The following PCDHGA11 variants were observed in gnomAD, a reference collection of about 807,000 sequenced individuals.
PCDHGA11 encodes protocadherin gamma-A11.
In PCDHGA11, 39 loss-of-function variants were observed where a neutral mutation model predicts 60.4. The observed-to-expected ratio is 0.65, with a 90% CI of 0.50 to 0.84. The LOEUF (loss-of-function observed/expected upper bound fraction) is 0.84. PCDHGA11 is among the 40% of genes least tolerant of loss of function. The pLI is 0.00. For synonymous variants in PCDHGA11, 533 were observed against 510.3 expected, an observed-to-expected ratio of 1.04 and a Z score of -0.60; for missense variants, 1,165 against 1,197.7, an observed-to-expected ratio of 0.97 and a Z score of 0.40.
rs1236959966 is a variant in PCDHGA11, at chr5:141,511,984, G to C, written c.*811G>C. On this transcript the variant is annotated 3_prime_UTR_variant, in exon 4 of 4. Transcript: ENST00000398587. ...GGGAAGTGTGTGGATGTGGATGGTGGGGGCATGGACAAAGCTTGACACATC... is the reference window on the plus strand; with the variant it reads ...GGGAAGTGTGTGGATGTGGATGGTGCGGGCATGGACAAAGCTTGACACATC... 1 of 153,294 alleles carries C rather than the reference G, an allele frequency of 6.5e-6. No individual in the cohort carries two copies. Among genetic ancestry groups the C allele is most frequent in the African/African-American group, 2.4e-5 (1 of 41,452 alleles). 9.5% of individuals were successfully genotyped at this position (153,294 alleles called of 1,614,324 possible). A position where few individuals can be genotyped will look rare whatever the true frequency, so the allele number is the denominator to read the frequency against.
chr5:141,511,453 T>G lies in PCDHGA11; in HGVS notation c.*280T>G. 1.7e-6 allele frequency: 1 copy of G among 595,822 alleles called. No individual in the cohort carries two copies. Among genetic ancestry groups the G allele is most frequent in the Non-Finnish European group, 2.8e-6 (1 of 360,062 alleles). 36.9% of individuals were successfully genotyped at this position (595,822 alleles called of 1,614,324 possible). ...GGTTACTGTAGACACCAAGAACCATTTGCCACACCCCGTTTAGTTACAGCT... is the reference window on the plus strand; with the variant it reads ...GGTTACTGTAGACACCAAGAACCATGTGCCACACCCCGTTTAGTTACAGCT... On this transcript the variant is annotated 3_prime_UTR_variant, in exon 4 of 4. Transcript: ENST00000398587.
intron 1 of PCDHGA11, among the ~76,000 whole-genome samples, chr5:141,457,015 A>T (rs1216403373): frequency 6.6e-6 from 1 of 152,182 alleles, no homozygotes; most frequent in Admixed American, 6.5e-5. Context: ...AATCCAATAA[A>T]AAGTCCTAGT....
intron 1 of PCDHGA11, among the ~76,000 whole-genome samples, chr5:141,464,648 G>A (rs776411908): frequency 6.6e-6 from 1 of 152,020 alleles, no homozygotes; most frequent in African/African-American, 2.4e-5. Flanking sequence ...AACCTGATGG[G>A]TAAAAAGATA....
intron 2 of PCDHGA11, among the ~76,000 whole-genome samples, chr5:141,496,121 C>A (rs1391009290): frequency 6.6e-6 from 1 of 152,088 alleles, no homozygotes; most frequent in Non-Finnish European, 1.5e-5. Flanking sequence ...TCCTTCCCTG[C>A]CCCTCACACA....
rs767599830 is a variant in PCDHGA11, at chr5:141,421,774, C to G, written c.547C>G (p.Leu183Val). 1.7e-5 allele frequency: 27 copies of G among 1,613,772 alleles called. No individual in the cohort carries two copies. Among genetic ancestry groups the G allele is most frequent in the Middle Eastern group, 1.6e-4 (1 of 6,084 alleles). ...CCCTAATAATTACTTTTCCTTGCAA[C>G]TGCGGGGCAGAACGGATGGGGCCAA... ...LSPNNYFSLQ[L>V]RGRTDGAKNP... The change falls in exon 1 of 4, where the codon CTG becomes GTG. Residue 183 changes from leucine (L) to valine (V), a missense_variant. Transcript: ENST00000398587.
chr5:141,487,258 G>A lies in PCDHGA11; in HGVS notation c.2434-7549G>A, dbSNP rs368598017. The A allele has an allele frequency of 3.7e-6, 6 of 1,614,026 alleles. No homozygotes were observed. Among genetic ancestry groups the A allele is most frequent in the Non-Finnish European group, 4.2e-6 (5 of 1,180,030 alleles). On this transcript the variant is annotated intron_variant, in intron 1 of 3. Transcript: ENST00000398587. The surrounding 1 kb of genome is among the most constrained non-coding windows in gnomAD (Gnocchi z 5.0). ...CTCGTCTAACCCTCTACTTGGCTGT[G>A]TCCCTAGTGGCAATTTGCTTTGTCT...
In PCDHGA11 at chr5:141,432,330, A is replaced by G. The variant is rs760184218; in HGVS notation, c.2433+8670A>G. 82 of 1,614,134 alleles carry G rather than the reference A, an allele frequency of 5.1e-5. No individual in the cohort carries two copies. The highest frequency in any genetic ancestry group is 6.8e-5 in the Non-Finnish European group (80 of 1,180,048). Reference sequence around the variant, plus strand: ...GCGCTGAGCTCCTTCGACTACGAGCAGTTCCGAGACTTGCAAGTGAAAGTG... The same window carrying G: ...GCGCTGAGCTCCTTCGACTACGAGCGGTTCCGAGACTTGCAAGTGAAAGTG... On this transcript the variant is annotated intron_variant, in intron 1 of 3. Transcript: ENST00000398587. The surrounding 1 kb of genome is among the most constrained non-coding windows in gnomAD (Gnocchi z 6.0).
chr5:141,490,938 C>A lies in PCDHGA11; in HGVS notation c.2434-3869C>A. 1.2e-6 allele frequency: 2 copies of A among 1,613,672 alleles called. No individual in the cohort carries two copies. Among genetic ancestry groups the A allele is most frequent in the Non-Finnish European group, 1.7e-6 (2 of 1,179,760 alleles). On this transcript the variant is annotated intron_variant, in intron 1 of 3. Coordinates refer to ENST00000398587, the MANE Select transcript of PCDHGA11 (RefSeq NM_018914.3). The surrounding 1 kb of genome is among the most constrained non-coding windows in gnomAD (Gnocchi z 5.4). ...ATGATAATGCCCCAGCTGTGCTGCA[C>A]CCACGGCCAGACTGGGAACACTCAG... is the stretch of plus-strand genomic sequence containing the variant.
intron 1 of PCDHGA11, among the ~76,000 whole-genome samples, chr5:141,444,106 G>A (rs2098417269): frequency 7.6e-6 from 1 of 131,112 alleles, no homozygotes; most frequent in South Asian, 2.6e-4. Flanking sequence ...TGGAAACCAA[G>A]AAAAGTGAAG....
intron 3 of PCDHGA11, among the ~76,000 whole-genome samples, chr5:141,510,048 G>GTGAT (rs1392197406): frequency 1.3e-5 from 2 of 152,192 alleles, no homozygotes; most frequent in Non-Finnish European, 2.9e-5. Context: ...GAGGTTAAAA[G>GTGAT]TGATTGTGCA....
intron 2 of PCDHGA11, among the ~76,000 whole-genome samples, chr5:141,504,748 T>A (rs979724181): frequency 7.2e-5 from 11 of 151,880 alleles, no homozygotes; most frequent in Non-Finnish European, 1.3e-4. Context: ...CCATTGAATT[T>A]TAGAAATTTC....
intron 1 of PCDHGA11, among the ~76,000 whole-genome samples, chr5:141,454,491 C>T (rs956727548): frequency 6.6e-6 from 1 of 152,194 alleles, no homozygotes; most frequent in South Asian, 2.1e-4. Context: ...ACCGCAACCT[C>T]CACCTCCTGG....
chr5:141,490,051 G>T lies in PCDHGA11; in HGVS notation c.2434-4756G>T, dbSNP rs779280988. On this transcript the variant is annotated intron_variant, in intron 1 of 3. Coordinates refer to ENST00000398587, the MANE Select transcript of PCDHGA11 (RefSeq NM_018914.3). The surrounding 1 kb of genome is among the most constrained non-coding windows in gnomAD (Gnocchi z 5.4). ...CCGCCTCAATGCCACTGATCCAGACGAGGGCACCAACGGCCAACTAGACTA... is the reference window on the plus strand; with the variant it reads ...CCGCCTCAATGCCACTGATCCAGACTAGGGCACCAACGGCCAACTAGACTA... 3 of 1,614,214 alleles carry T rather than the reference G, an allele frequency of 1.9e-6. No homozygotes were observed. The Middle Eastern group carries it at 4.9e-4, about 266-fold the overall frequency.
At chr5:141,496,285 A>G (rs1003747820) in intron 2 of PCDHGA11, among the ~76,000 whole-genome samples, 1 of 152,210 alleles carries the variant, frequency 6.6e-6, no homozygotes, top group Non-Finnish European at 1.5e-5. Flanking sequence ...AGTTGGTCTG[A>G]GCAGAGTGGG....
At chr5:141,451,107 C>T (rs768308463) in intron 1 of PCDHGA11, among the ~76,000 whole-genome samples, 3 of 152,118 alleles carry the variant, frequency 2.0e-5, no homozygotes, top group Non-Finnish European at 4.4e-5. Flanking sequence ...GGATTACAGG[C>T]GTGAGCCACC....
chr5:141,491,705 G>A lies in PCDHGA11; in HGVS notation c.2434-3102G>A. ...ACGCTGCGGGAGCGGAGCCAGGTGA[G>A]GGGCTCGGCGCCGCCCCGGGCGACC... is the stretch of plus-strand genomic sequence containing the variant. On this transcript the variant is annotated intron_variant, in intron 1 of 3. Transcript: ENST00000398587. The surrounding 1 kb of genome is among the most constrained non-coding windows in gnomAD (Gnocchi z 6.9). 1 of 1,611,064 alleles carries A rather than the reference G, an allele frequency of 6.2e-7. No homozygotes were observed. Among genetic ancestry groups the A allele is most frequent in the South Asian group, 1.1e-5 (1 of 90,828 alleles).
At chr5:141,507,443 G>A (rs2099860678) in intron 3 of PCDHGA11, among the ~76,000 whole-genome samples, 2 of 152,200 alleles carry the variant, frequency 1.3e-5, no homozygotes. Flanking sequence ...TACAGCTGAC[G>A]GAAGGACAGA....
At chr5:141,471,309 C>T (rs140651182) in intron 1 of PCDHGA11, 8,212 of 152,202 alleles carry the variant, frequency 0.054, 462 homozygotes, top group African/African-American at 0.15. Flanking sequence ...ACTCGGCCTC[C>T]CAAAGTGCTG....
chr5:141,432,561 A>C lies in PCDHGA11; in HGVS notation c.2433+8901A>C, dbSNP rs746684751. On this transcript the variant is annotated intron_variant, in intron 1 of 3. Transcript: ENST00000398587. This position sits in a 1 kb window ranked among gnomAD's most constrained non-coding sequence, Gnocchi z 6.0. Reference sequence around the variant, plus strand: ...GCGGTGGACAGAGACTCCGGCCAGAACGCCTGGCTGTCCTACCGTCTGCTC... The same window carrying C: ...GCGGTGGACAGAGACTCCGGCCAGACCGCCTGGCTGTCCTACCGTCTGCTC... 37 of 1,613,308 alleles carry C rather than the reference A, an allele frequency of 2.3e-5. 1 individual carries two copies. The highest frequency in any genetic ancestry group is 2.7e-5 in the African/African-American group (2 of 74,712).
Sources: allele counts gnomAD v4.1 joint callset (sites outside exome capture counted in the v4.1 genomes callset), GRCh38; gene constraint gnomAD v4.1.1; non-coding constraint Gnocchi (gnomAD v3.1); transcripts MANE v1.5; gene names NCBI Gene and HGNC (gene_info 2026-07-23, HGNC 2026-07-21).